PLPP3: variants seen among roughly 807,000 people sequenced by gnomAD.
The protein encoded by PLPP3 is PAP2 beta.
A neutral mutation model predicts 29.6 loss-of-function variants in PLPP3; 6 were observed. The ratio of observed to expected loss-of-function variants is 0.20; its 90% confidence interval spans 0.11 to 0.40. PLPP3 has a LOEUF of 0.40. Ranked by LOEUF, PLPP3 falls within the 10% of genes least tolerant of loss-of-function variation. The pLI is 1.00. For synonymous variants in PLPP3, 152 were observed against 159.7 expected (o/e 0.95, Z 0.36); for missense variants, 308 against 407.7 (o/e 0.76, Z 2.11).
intron 4 of PLPP3, among the ~76,000 whole-genome samples, chr1:56,517,441 C>G (rs906693384): frequency 6.6e-6 from 1 of 152,228 alleles, no homozygotes; most frequent in African/African-American, 2.4e-5. Flanking sequence ...AAGAAAACCA[C>G]CATTTTGCTG....
chr1:56,529,546 T>G (rs1258759795), intron 2 of PLPP3, among the ~76,000 whole-genome samples: 1 of 152,138 alleles, frequency 6.6e-6, no homozygotes, highest in Admixed American at 6.5e-5. Flanking sequence ...GAGAATCACA[T>G]TTCTCACTTT....
intron 1 of PLPP3, among the ~76,000 whole-genome samples, chr1:56,549,280 A>G (rs1236176003): frequency 6.6e-6 from 1 of 152,170 alleles, no homozygotes; most frequent in African/African-American, 2.4e-5. Flanking sequence ...AAGGTGGATC[A>G]GCTCTGTCAA....
At chr1:56,536,931 C>T (rs1271791897) in intron 2 of PLPP3, 24 bp downstream of exon 2, 1 of 1,612,586 alleles carries the variant, frequency 6.2e-7, no homozygotes, top group South Asian at 1.1e-5. Context: ...ACAGGATCCA[C>T]CATAGCAGAG....
intron 5 of PLPP3, among the ~76,000 whole-genome samples, chr1:56,503,957 T>C (rs1645685283): frequency 6.6e-6 from 1 of 152,118 alleles, no homozygotes; most frequent in South Asian, 2.1e-4. Flanking sequence ...TTTGTATTTT[T>C]TTAGTAGAGA....
intron 1 of PLPP3, among the ~76,000 whole-genome samples, chr1:56,573,398 A>C (rs1269882923): frequency 6.6e-6 from 1 of 152,178 alleles, no homozygotes; most frequent in Non-Finnish European, 1.5e-5. Context: ...CAAACAAACA[A>C]AAAAAGTACA....
intron 1 of PLPP3, among the ~76,000 whole-genome samples, chr1:56,561,004 A>ATTT (rs375933115): frequency 5.6e-4 from 74 of 133,248 alleles, no homozygotes; most frequent in African/African-American, 1.8e-3. Context: ...TGCCCGGGTA[A>ATTT]TTTTTTTTTT....
chr1:56,522,614 C>T (rs543311406), intron 4 of PLPP3, among the ~76,000 whole-genome samples: 6 of 152,114 alleles, frequency 3.9e-5, no homozygotes, highest in East Asian at 1.9e-4. Flanking sequence ...TCTGCATCCT[C>T]GGTAATGGGA....
intron 1 of PLPP3, among the ~76,000 whole-genome samples, chr1:56,559,290 C>T (rs1569597683): frequency 6.6e-6 from 1 of 152,128 alleles, no homozygotes; most frequent in Admixed American, 6.5e-5. Flanking sequence ...AGGTAGTTAT[C>T]AATGAGAATA....
chr1:56,495,833 G>A lies in PLPP3; in HGVS notation c.*718C>T, dbSNP rs575721059. 1.3e-5 allele frequency: 2 copies of A among 152,750 alleles called. No homozygotes were observed. Among genetic ancestry groups the A allele is most frequent in the East Asian group, 3.9e-4 (2 of 5,174 alleles). 9.5% of individuals were successfully genotyped at this position (152,750 alleles called of 1,614,324 possible). A position where few individuals can be genotyped will look rare whatever the true frequency, so the allele number is the denominator to read the frequency against. On this transcript the variant is annotated 3_prime_UTR_variant, in exon 6 of 6. Coordinates refer to ENST00000371250, the MANE Select transcript of PLPP3 (RefSeq NM_003713.5). ...CTGCAATTGACATTTCAACATCACA[G>A]GATGATGCGTCAAAAGAAGAAAAGT...
At chr1:56,520,003 C>G (rs1645808229) in intron 4 of PLPP3, among the ~76,000 whole-genome samples, 1 of 152,088 alleles carries the variant, frequency 6.6e-6, no homozygotes, top group African/African-American at 2.4e-5. Flanking sequence ...GTAATGTAGG[C>G]CTAAGTTTGT....
intron 1 of PLPP3, among the ~76,000 whole-genome samples, chr1:56,555,409 T>C (rs866019725): frequency 8.6e-6 from 1 of 116,628 alleles, no homozygotes; most frequent in Non-Finnish European, 1.6e-5. Flanking sequence ...TAATCACTTA[T>C]GCAGGAGAAG....
At chr1:56,550,757 C>A (rs149596407) in intron 1 of PLPP3, among the ~76,000 whole-genome samples, 1 of 151,668 alleles carries the variant, frequency 6.6e-6, no homozygotes, top group African/African-American at 2.4e-5. Flanking sequence ...TTTTAAAGGG[C>A]GAAATGCCAA....
chr1:56,569,248 C>T (rs1371259471), intron 1 of PLPP3, among the ~76,000 whole-genome samples: 1 of 152,266 alleles, frequency 6.6e-6, no homozygotes, highest in East Asian at 1.9e-4. Context: ...TCTCAGCTCA[C>T]TGCAACCTCT....
chr1:56,526,274 C>A (rs1030710467), intron 2 of PLPP3, among the ~76,000 whole-genome samples: 22 of 152,112 alleles, frequency 1.4e-4, no homozygotes, highest in African/African-American at 5.3e-4. Flanking sequence ...TTGGAAGTAT[C>A]CCCTCAACAT....
intron 1 of PLPP3, among the ~76,000 whole-genome samples, chr1:56,542,226 TG>T (rs1645975805): frequency 6.6e-6 from 1 of 152,162 alleles, no homozygotes; most frequent in Non-Finnish European, 1.5e-5. Context: ...TGGGGCAGGT[TG>T]GGTGGTTTGG....
At chr1:56,543,171 C>A (rs1645981641) in intron 1 of PLPP3, among the ~76,000 whole-genome samples, 1 of 152,146 alleles carries the variant, frequency 6.6e-6, no homozygotes. Context: ...TAGCAATGGT[C>A]CCAATTTGGA....
At chr1:56,555,147 AC>A (rs1369877220) in intron 1 of PLPP3, among the ~76,000 whole-genome samples, 1 of 152,018 alleles carries the variant, frequency 6.6e-6, no homozygotes, top group Non-Finnish European at 1.5e-5. Flanking sequence ...TCCGAGGAAC[AC>A]CACTCACAGG....
At chr1:56,540,882 T>C (rs1447386843) in intron 1 of PLPP3, among the ~76,000 whole-genome samples, 1 of 152,142 alleles carries the variant, frequency 6.6e-6, no homozygotes, top group Non-Finnish European at 1.5e-5. Context: ...GAGAAGAGGC[T>C]GTTCTTCTCC....
intron 4 of PLPP3, among the ~76,000 whole-genome samples, chr1:56,516,478 A>G (rs892522881): frequency 2.0e-5 from 3 of 152,252 alleles, no homozygotes; most frequent in Non-Finnish European, 2.9e-5. Context: ...GAGGGGCTTT[A>G]GTAAAGTCCT....
Sources: gnomAD v4.1 joint callset for allele counts (sites outside exome capture counted in the v4.1 genomes callset) on GRCh38, gnomAD v4.1.1 for gene constraint, MANE v1.5 for transcripts, NCBI Gene and HGNC (gene_info 2026-07-23, HGNC 2026-07-21) for gene names.